DLG2: variants seen among roughly 807,000 people sequenced by gnomAD.
DLG2 encodes the protein discs large MAGUK scaffold protein 2.
In DLG2, 45 loss-of-function variants were observed where a neutral mutation model predicts 132.5. The observed-to-expected ratio is 0.34, with a 90% CI of 0.27 to 0.44. DLG2 has a LOEUF of 0.44. Ranked by LOEUF, DLG2 falls within the 20% of genes least tolerant of loss-of-function variation. The pLI, the probability that DLG2 is intolerant of heterozygous loss-of-function variation, is 1.00. For synonymous variants in DLG2, 424 were observed against 419.6 expected (o/e 1.01, Z -0.13); for missense variants, 1,045 against 1,196.9 (o/e 0.87, Z 1.87).
intron 6 of DLG2, among the ~76,000 whole-genome samples, chr11:84,651,880 A>G: frequency 6.6e-6 from 1 of 152,188 alleles, no homozygotes. Context: ...GACCCCAAAG[A>G]GTCATGAGTA....
intron 4 of DLG2, among the ~76,000 whole-genome samples, chr11:85,256,375 G>A (rs969668812): frequency 6.6e-6 from 1 of 152,130 alleles, no homozygotes; most frequent in Non-Finnish European, 1.5e-5. Context: ...CCATGCCACT[G>A]ACAGCCACCT....
At chr11:84,132,473 C>T (rs191296267) in intron 9 of DLG2, among the ~76,000 whole-genome samples, 25 of 152,046 alleles carry the variant, frequency 1.6e-4, no homozygotes, top group African/African-American at 5.8e-4. Flanking sequence ...ACACACACAT[C>T]ACTTAAAGAA....
At chr11:84,373,265 C>CAAAAAAAAAA (rs59038372) in intron 7 of DLG2, among the ~76,000 whole-genome samples, 3,533 of 97,996 alleles carry the variant, frequency 0.036, 235 homozygotes, top group Non-Finnish European at 0.047. Flanking sequence ...AAAAAAAAAA[C>CAAAAAAAAAA]AAAACAAAAA....
intron 6 of DLG2, among the ~76,000 whole-genome samples, chr11:84,834,277 A>C (rs1166596200): frequency 6.6e-6 from 1 of 151,620 alleles, no homozygotes; most frequent in Non-Finnish European, 1.5e-5. Context: ...AGCAAAGAAA[A>C]AAATAAACTA....
intron 19 of DLG2, among the ~76,000 whole-genome samples, chr11:83,626,628 A>G (rs1298873103): frequency 6.6e-6 from 1 of 152,202 alleles, no homozygotes; most frequent in Non-Finnish European, 1.5e-5. Context: ...TGTAAAAGAA[A>G]TAAGACTTTG....
At chr11:84,980,950 T>C (rs2055648500) in intron 6 of DLG2, among the ~76,000 whole-genome samples, 1 of 152,152 alleles carries the variant, frequency 6.6e-6, no homozygotes, top group Non-Finnish European at 1.5e-5. Context: ...GGCATATGCC[T>C]TTCTTTTGTG....
At chr11:84,121,690 T>C (rs1278224014) in intron 9 of DLG2, among the ~76,000 whole-genome samples, 7 of 151,112 alleles carry the variant, frequency 4.6e-5, no homozygotes, top group Admixed American at 6.6e-5. Flanking sequence ...GCCTCCTGAG[T>C]AGCTGGGACT....
chr11:83,695,480 C>T (rs749372864), intron 18 of DLG2, among the ~76,000 whole-genome samples: 9 of 152,166 alleles, frequency 5.9e-5, no homozygotes, highest in African/African-American at 9.6e-5. Flanking sequence ...CAGTGGCTCA[C>T]GCCTCTAATC....
intron 18 of DLG2, among the ~76,000 whole-genome samples, chr11:83,712,399 C>T (rs530129488): frequency 1.3e-5 from 2 of 152,110 alleles, no homozygotes; most frequent in East Asian, 1.9e-4. Flanking sequence ...GAGGCTGAGG[C>T]GGGTGGATCA....
intron 6 of DLG2, among the ~76,000 whole-genome samples, chr11:84,877,282 G>T (rs112376133): frequency 6.6e-6 from 1 of 152,046 alleles, no homozygotes; most frequent in African/African-American, 2.4e-5. Context: ...ATTGACAGTG[G>T]GGTGTAAAAG....
intron 4 of DLG2, among the ~76,000 whole-genome samples, chr11:85,214,791 A>G (rs924069459): frequency 6.6e-6 from 1 of 152,194 alleles, no homozygotes; most frequent in Non-Finnish European, 1.5e-5. Context: ...ATATACATAC[A>G]AGACCAATAA....
At chr11:84,699,472 TTC>T (rs1158771915) in intron 6 of DLG2, among the ~76,000 whole-genome samples, 3 of 151,526 alleles carry the variant, frequency 2.0e-5, no homozygotes, top group Admixed American at 1.3e-4. Flanking sequence ...GGGAAGAGCA[TTC>T]TGTCACCAAA....
Position 83,837,321 on chromosome 11 carries a change from A to G in DLG2, c.1566-3551T>C, listed in dbSNP as rs537396492. 1.1e-4 allele frequency among the ~76,000 whole-genome samples: 17 copies of G among 152,224 alleles called. 1 individual carries two copies. The highest frequency in any genetic ancestry group is 3.4e-3 in the Middle Eastern group (1 of 294). ...GGTACGAGTTCAGCTCCCCACTAGA[A>G]AGTGGAGTATCGACTAGCATCACCT... On this transcript the variant is annotated intron_variant, in intron 16 of 27. Coordinates refer to ENST00000376104, the MANE Select transcript of DLG2 (RefSeq NM_001142699.3).
intron 6 of DLG2, among the ~76,000 whole-genome samples, chr11:85,044,681 G>T (rs558040): frequency 0.85 from 129,025 of 151,940 alleles, 55,372 homozygotes; most frequent in East Asian, 0.99. Flanking sequence ...GCTTAAACTT[G>T]CCTATATGAA....
chr11:84,810,942 AG>A (rs1361678226), intron 6 of DLG2, among the ~76,000 whole-genome samples: 2 of 152,158 alleles, frequency 1.3e-5, no homozygotes, highest in African/African-American at 2.4e-5. Flanking sequence ...AAAGTAGAGA[AG>A]GGGGTGTGGC....
intron 6 of DLG2, among the ~76,000 whole-genome samples, chr11:84,981,029 T>C (rs1203381805): frequency 6.6e-6 from 1 of 152,178 alleles, no homozygotes; most frequent in African/African-American, 2.4e-5. Flanking sequence ...TCTCTTCTTC[T>C]GGCTTATGAG....
chr11:83,535,706 C>G (rs2095862138), intron 20 of DLG2, among the ~76,000 whole-genome samples: 1 of 151,908 alleles, frequency 6.6e-6, no homozygotes, highest in Admixed American at 6.6e-5. Flanking sequence ...TTCCAGTTCA[C>G]CCATGAAGGA....
intron 3 of DLG2, among the ~76,000 whole-genome samples, chr11:85,340,200 T>C (rs1361100228): frequency 6.6e-6 from 1 of 152,204 alleles, no homozygotes; most frequent in Non-Finnish European, 1.5e-5. Flanking sequence ...ATATGTTTAT[T>C]GTGGCACTAT....
chr11:83,950,904 G>T (rs925868805), intron 14 of DLG2, among the ~76,000 whole-genome samples: 16 of 151,864 alleles, frequency 1.1e-4, no homozygotes, highest in Admixed American at 9.8e-4. Context: ...ATATTTTTGG[G>T]TTTATTTGCC....
Sources: gnomAD v4.1 joint callset for allele counts (sites outside exome capture counted in the v4.1 genomes callset) on GRCh38, gnomAD v4.1.1 for gene constraint, MANE v1.5 for transcripts, NCBI Gene and HGNC (gene_info 2026-07-23, HGNC 2026-07-21) for gene names.